The following KCNB2 variants were observed in gnomAD, a reference collection of about 807,000 sequenced individuals.
The protein encoded by KCNB2 is delayed rectifier potassium channel protein.
In KCNB2, 15 loss-of-function variants were observed where a neutral mutation model predicts 61.5. The ratio of observed to expected loss-of-function variants is 0.24; its 90% confidence interval spans 0.16 to 0.38. KCNB2 has a LOEUF of 0.38. Ranked by LOEUF, KCNB2 falls within the 10% of genes least tolerant of loss-of-function variation. The probability of loss-of-function intolerance (pLI) is 1.00; values close to 1 mark genes in which losing one functional copy is unlikely to be tolerated. For synonymous variants in KCNB2, 457 were observed against 446.0 expected, an observed-to-expected ratio of 1.02 and a Z score of -0.31; for missense variants, 828 against 1,125.2, an observed-to-expected ratio of 0.74 and a Z score of 3.78.
chr8:72,704,947 A>G lies in KCNB2; in HGVS notation c.579+136634A>G, dbSNP rs543040359. 7.3e-5 allele frequency among the ~76,000 whole-genome samples: 8 copies of G among 108,890 alleles called. No individual in the cohort carries two copies. The South Asian group carries it at 2.2e-3, about 30-fold the overall frequency. 71.4% of individuals were successfully genotyped at this position (108,890 alleles called of 152,430 possible). On this transcript the variant is annotated intron_variant, in intron 2 of 2. Transcript: ENST00000523207. ...GTAAACATGTCATACCATATTTTTT[A>G]ATTTAATTTTTTATTGTATTGTTAT... is the stretch of plus-strand genomic sequence containing the variant.
intron 2 of KCNB2, among the ~76,000 whole-genome samples, chr8:72,717,451 G>C (rs1807465508): frequency 1.3e-5 from 2 of 152,196 alleles, no homozygotes; most frequent in African/African-American, 2.4e-5. Context: ...CATGGTACTG[G>C]TACCAAAACA....
At chr8:72,756,962 C>T (rs946958602) in intron 2 of KCNB2, among the ~76,000 whole-genome samples, 4 of 152,122 alleles carry the variant, frequency 2.6e-5, no homozygotes, top group African/African-American at 9.7e-5. Flanking sequence ...TGGAGCTATC[C>T]AGGTGGCATT....
intron 2 of KCNB2, among the ~76,000 whole-genome samples, chr8:72,653,038 G>A (rs781481234): frequency 3.3e-5 from 5 of 151,978 alleles, no homozygotes; most frequent in Non-Finnish European, 7.4e-5. Context: ...TCCAATCTCT[G>A]CCTCTGTCTT....
At chr8:72,642,500 A>G (rs1208580374) in intron 2 of KCNB2, among the ~76,000 whole-genome samples, 1 of 152,060 alleles carries the variant, frequency 6.6e-6, no homozygotes, top group Non-Finnish European at 1.5e-5. Flanking sequence ...CACAGCTTAC[A>G]GTCTAGGAAA....
intron 2 of KCNB2, among the ~76,000 whole-genome samples, chr8:72,909,672 G>T (rs555874495): frequency 1.2e-4 from 19 of 152,220 alleles, no homozygotes; most frequent in African/African-American, 4.3e-4. Context: ...AATGATGGCA[G>T]TCCCACACTC....
At chr8:72,814,761 T>A (rs1275405025) in intron 2 of KCNB2, among the ~76,000 whole-genome samples, 1 of 152,206 alleles carries the variant, frequency 6.6e-6, no homozygotes, top group Non-Finnish European at 1.5e-5. Context: ...CATTCTAATA[T>A]TGCTACTTTA....
At chr8:72,629,932 G>A (rs1458324084) in intron 2 of KCNB2, among the ~76,000 whole-genome samples, 1 of 152,160 alleles carries the variant, frequency 6.6e-6, no homozygotes, top group East Asian at 1.9e-4. Context: ...AGCCAACACA[G>A]TGTCTAGAAA....
At chr8:72,697,354 T>A (rs1807033781) in intron 2 of KCNB2, among the ~76,000 whole-genome samples, 2 of 152,104 alleles carry the variant, frequency 1.3e-5, no homozygotes, top group South Asian at 4.2e-4. Flanking sequence ...TATTTCTACT[T>A]TTACCTGAGA....
chr8:72,607,581 G>A (rs17762432), intron 2 of KCNB2, among the ~76,000 whole-genome samples: 56,986 of 151,988 alleles, frequency 0.37, 13,083 homozygotes, highest in Non-Finnish European at 0.51. Flanking sequence ...AAGTGTCTCT[G>A]TGCCTAACAG....
intron 2 of KCNB2, among the ~76,000 whole-genome samples, chr8:72,848,640 C>G (rs1430139734): frequency 6.6e-6 from 1 of 152,060 alleles, no homozygotes; most frequent in Admixed American, 6.6e-5. Context: ...GTAACATTGC[C>G]TTAGAGGACT....
At chr8:72,590,054 C>T (rs1039606588) in intron 2 of KCNB2, among the ~76,000 whole-genome samples, 1 of 152,166 alleles carries the variant, frequency 6.6e-6, no homozygotes, top group African/African-American at 2.4e-5. Flanking sequence ...AGAGGCCACA[C>T]AAAATGATGC....
chr8:72,737,671 T>C (rs947841886), intron 2 of KCNB2, among the ~76,000 whole-genome samples: 2 of 152,162 alleles, frequency 1.3e-5, no homozygotes, highest in Admixed American at 6.6e-5. Context: ...AATTTATTAG[T>C]ACTAACTAGT....
At chr8:72,925,146 G>A (rs746873779) in intron 2 of KCNB2, among the ~76,000 whole-genome samples, 4 of 152,174 alleles carry the variant, frequency 2.6e-5, no homozygotes, top group Non-Finnish European at 5.9e-5. Flanking sequence ...AAGCTGCTGG[G>A]ACATGGTCTT....
At chr8:72,911,635 A>G (rs1002411489) in intron 2 of KCNB2, among the ~76,000 whole-genome samples, 18 of 152,182 alleles carry the variant, frequency 1.2e-4, no homozygotes, top group African/African-American at 3.6e-4. Context: ...GTAGTCTCCA[A>G]TGTTCAGCAT....
At chr8:72,928,156 A>G (rs1806692034) in intron 2 of KCNB2, among the ~76,000 whole-genome samples, 1 of 151,932 alleles carries the variant, frequency 6.6e-6, no homozygotes, top group Admixed American at 6.6e-5. Flanking sequence ...AAAAACTGAT[A>G]AGGAGAAAAG....
In KCNB2 at chr8:72,937,683, T is replaced by C; in HGVS notation, c.2328T>C (p.Pro776=). The C allele has an allele frequency of 6.2e-7, 1 of 1,613,960 alleles. No individual in the cohort carries two copies. Among genetic ancestry groups the C allele is most frequent in the Non-Finnish European group, 8.5e-7 (1 of 1,179,966 alleles). ...RPLLGTEVSA[P]CQGPSKGLSP... Reference sequence around the variant, plus strand: ...TGCTGGGCACTGAGGTTTCAGCGCCTTGTCAGGGACCTTCCAAAGGGCTGT... The same window carrying C: ...TGCTGGGCACTGAGGTTTCAGCGCCCTGTCAGGGACCTTCCAAAGGGCTGT... The change falls in exon 3 of 3, where the codon CCT becomes CCC. Residue 776 remains proline (P), a synonymous_variant. Coordinates refer to ENST00000523207, the MANE Select transcript of KCNB2 (RefSeq NM_004770.3).
intron 2 of KCNB2, among the ~76,000 whole-genome samples, chr8:72,576,805 A>G (rs1180952524): frequency 6.6e-6 from 1 of 152,202 alleles, no homozygotes; most frequent in Non-Finnish European, 1.5e-5. Context: ...AGAGACTGAG[A>G]CTTCTCTGCA....
At chr8:72,668,337 C>T (rs1390342688) in intron 2 of KCNB2, among the ~76,000 whole-genome samples, 1 of 152,162 alleles carries the variant, frequency 6.6e-6, no homozygotes, top group African/African-American at 2.4e-5. Flanking sequence ...CACCACAAGT[C>T]CCCACCATAA....
chr8:72,539,699 T>A (rs1048908942), intron 1 of KCNB2, among the ~76,000 whole-genome samples: 2 of 152,208 alleles, frequency 1.3e-5, no homozygotes, highest in Non-Finnish European at 1.5e-5. Context: ...TCTCTTTTCT[T>A]TTCTTCTGTT....
Sources: allele counts gnomAD v4.1 joint callset (sites outside exome capture counted in the v4.1 genomes callset), GRCh38; gene constraint gnomAD v4.1.1; transcripts MANE v1.5; gene names NCBI Gene and HGNC (gene_info 2026-07-23, HGNC 2026-07-21).